The following CCP110 variants were observed in gnomAD, a reference collection of about 807,000 sequenced individuals.
CCP110 encodes centriolar coiled-coil protein 110, also known as centriolar coiled-coil protein of 110 kDa.
In CCP110, 43 loss-of-function variants were observed where a neutral mutation model predicts 105.5. The ratio of observed to expected loss-of-function variants is 0.41; its 90% CI spans 0.32 to 0.53. The LOEUF (loss-of-function observed/expected upper bound fraction) is 0.53, where lower values mean the gene tolerates loss of function less well. CCP110 is among the 20% of genes least tolerant of loss of function. CCP110 has a pLI of 0.32. For synonymous variants in CCP110, 353 were observed against 392.1 expected, an observed-to-expected ratio of 0.90 and a Z score of 1.18; for missense variants, 1,016 against 1,189.1, an observed-to-expected ratio of 0.85 and a Z score of 2.14.
chr16:19,526,305 A>T (rs1306894462), intron 1 of CCP110: 2 of 152,204 alleles, frequency 1.3e-5, no homozygotes, highest in East Asian at 3.8e-4. Context: ...TAGAAGATAT[A>T]TTACTTTATT....
exon 2 of CCP110, chr16:19,527,882 A>T (rs1969727372): frequency 6.2e-7 from 1 of 1,611,872 alleles, no homozygotes; most frequent in Non-Finnish European, 8.5e-7. Context: ...CTGTGGGAAG[A>T]TGGAGGAGTA....
rs539876049 is a variant in CCP110 at position 19,534,917 on chromosome 16, G to A, written c.271-1023G>A. ...TTTTTCTGAGATGGAGTCGCGCTCTGTCGCCCAGGCCGGAGTGCAGTGACG... is the reference window on the plus strand; with the variant it reads ...TTTTTCTGAGATGGAGTCGCGCTCTATCGCCCAGGCCGGAGTGCAGTGACG... On this transcript the variant is annotated intron_variant, in intron 3 of 14. Transcript: ENST00000381396. Among the ~76,000 whole-genome samples, 31 of 128,862 alleles carry A rather than the reference G, an allele frequency of 2.4e-4. 1 individual carries two copies. In the South Asian group the frequency reaches 7.0e-3, roughly 29 times the overall value. The allele number at this position is 128,862 out of a possible 152,430, so 84.5% of individuals were successfully genotyped here.
At chr16:19,532,488 G>A (rs1969907170) in exon 3 of CCP110, 1 of 1,611,144 alleles carries the variant, frequency 6.2e-7, no homozygotes, top group Non-Finnish European at 8.5e-7. Flanking sequence ...AAGAAAGCAG[G>A]TTAACAGGAA....
chr16:19,543,542 C>A (rs952436120), intron 8 of CCP110, among the ~76,000 whole-genome samples: 1 of 152,152 alleles, frequency 6.6e-6, no homozygotes, highest in Non-Finnish European at 1.5e-5. Flanking sequence ...CAAGGGAAGA[C>A]AACCATAACT....
intron 2 of CCP110, among the ~76,000 whole-genome samples, chr16:19,531,558 T>C (rs1969867227): frequency 6.6e-6 from 1 of 152,262 alleles, no homozygotes; most frequent in Non-Finnish European, 1.5e-5. Flanking sequence ...AAATAATATA[T>C]TATCTGTTTA....
exon 1 of CCP110, chr16:19,523,949 G>C (rs974652774): frequency 6.5e-6 from 1 of 154,340 alleles, no homozygotes; most frequent in Admixed American, 6.5e-5. Flanking sequence ...GTTGCAGCCT[G>C]AGATCCGTAA....
exon 12 of CCP110, chr16:19,546,444 T>C (rs1172366259): frequency 6.3e-7 from 1 of 1,588,766 alleles, no homozygotes; most frequent in Admixed American, 1.7e-5. Flanking sequence ...AATAAGAAAT[T>C]TCTGGTTAAA....
chr16:19,546,365 C>T, intron 11 of CCP110, 47 bp from the exon 12 acceptor site: 2 of 1,082,220 alleles, frequency 1.8e-6, no homozygotes, highest in Admixed American at 2.1e-5. Context: ...AGCATGTTTT[C>T]TTCCCTTCTC....
chr16:19,542,044 C>T (rs1970307146), exon 6 of CCP110: 1 of 1,577,362 alleles, frequency 6.3e-7, no homozygotes, highest in Non-Finnish European at 8.6e-7. Flanking sequence ...TCACTCCATA[C>T]TTCAAATTCA....
Position 19,545,806 on chromosome 16 carries a change from G to A in CCP110, c.2704-11G>A, listed in dbSNP as rs761357350. 9 of 1,532,104 alleles carry A rather than the reference G, an allele frequency of 5.9e-6. No individual in the cohort carries two copies. The East Asian group carries it at 9.0e-5, about 15-fold the overall frequency. 94.9% of individuals were successfully genotyped at this position (1,532,104 alleles called of 1,614,324 possible). On this transcript the variant is annotated splice_polypyrimidine_tract_variant and intron_variant, in intron 10 of 14. Coordinates refer to ENST00000381396, the Ensembl canonical transcript of CCP110. ...TCCAGTAGAGTTTGACGTTACTTTT[G>A]TATATTAAAGGATAAAATGAAAAGT...
At chr16:19,540,941 A>C (rs1226185294) in intron 5 of CCP110, among the ~76,000 whole-genome samples, 154 bp downstream of exon 5, 2 of 152,232 alleles carry the variant, frequency 1.3e-5, no homozygotes, top group African/African-American at 4.8e-5. Flanking sequence ...TTTTGTCAAA[A>C]TATGAATTTT....
At position 19,545,764 on chromosome 16, in the gene CCP110, T is replaced by C. The variant is rs557310169; in HGVS notation, c.2704-53T>C. On this transcript the variant is annotated intron_variant, in intron 10 of 14. Coordinates refer to ENST00000381396, the Ensembl canonical transcript of CCP110. ...TGTGGGATTATAATACATTATAATA[T>C]AGTGGTATTAATTGGTTCCAGTAGA... The C allele has an allele frequency of 1.4e-4, 126 of 873,118 alleles. No homozygotes were observed. The African/African-American group carries it at 1.9e-3, about 13-fold the overall frequency. 54.1% of individuals were successfully genotyped at this position (873,118 alleles called of 1,614,324 possible). A position where few individuals can be genotyped will look rare whatever the true frequency, so the allele number is the denominator to read the frequency against.
intron 10 of CCP110, among the ~76,000 whole-genome samples, chr16:19,545,491 G>A (rs1344616751): frequency 6.6e-6 from 1 of 152,082 alleles, no homozygotes; most frequent in African/African-American, 2.4e-5. Context: ...GAATTTCCTT[G>A]AATTCAATTA....
At position 19,541,575 on chromosome 16, in the gene CCP110, G is replaced by A. The variant is rs866857219; in HGVS notation, c.2050-312G>A. 7.4e-5 allele frequency among the ~76,000 whole-genome samples: 11 copies of A among 149,034 alleles called. No individual in the cohort carries two copies. In the South Asian group the frequency reaches 8.6e-4, roughly 12 times the overall value. ...CGCAAGGTGGAGATTGCAGTGAACC[G>A]AGATCGTGCCACTGCACTCCAGCCT... On this transcript the variant is annotated intron_variant, in intron 5 of 14. Transcript: ENST00000381396.
At chr16:19,551,368 T>C in exon 15 of CCP110, 3 of 835,510 alleles carry the variant, frequency 3.6e-6, no homozygotes, top group Non-Finnish European at 6.3e-6. Flanking sequence ...ATCAGAAGGC[T>C]GAGCACTTAT....
At chr16:19,531,687 G>T (rs1969872370) in intron 2 of CCP110, among the ~76,000 whole-genome samples, 1 of 152,218 alleles carries the variant, frequency 6.6e-6, no homozygotes, top group Non-Finnish European at 1.5e-5. Context: ...CTGAAGATGG[G>T]CCAGGCGCGG....
exon 3 of CCP110, chr16:19,532,425 G>A (rs752747163): frequency 6.3e-7 from 1 of 1,593,860 alleles, no homozygotes; most frequent in South Asian, 1.2e-5. Flanking sequence ...GCTTAACATT[G>A]AGAAAAGAAA....
chr16:19,544,933 G>A, intron 9 of CCP110, 35 bp downstream of exon 9: 1 of 1,139,888 alleles, frequency 8.8e-7, no homozygotes, highest in East Asian at 2.4e-5. Flanking sequence ...TTTAAGACAT[G>A]GACATATTAT....
At chr16:19,539,665 A>T (rs975902448) in intron 4 of CCP110, among the ~76,000 whole-genome samples, 5 of 150,664 alleles carry the variant, frequency 3.3e-5, no homozygotes, top group African/African-American at 1.2e-4. Flanking sequence ...ATCCTGTGCA[A>T]CTTTATAAGA....
Sources: gnomAD v4.1 joint callset for allele counts (sites outside exome capture counted in the v4.1 genomes callset) on GRCh38, gnomAD v4.1.1 for gene constraint, MANE v1.5 for transcripts, NCBI Gene and HGNC (gene_info 2026-07-23, HGNC 2026-07-21) for gene names.